ABCA13: variants seen among roughly 807,000 people sequenced by gnomAD.
ABCA13 encodes ATP-binding cassette sub-family A member 13.
In ABCA13, 476 loss-of-function variants were observed where a neutral mutation model predicts 478.7. The observed-to-expected ratio is 0.99, with a 90% CI of 0.92 to 1.07. The LOEUF (loss-of-function observed/expected upper bound fraction) is 1.07, where lower values mean the gene tolerates loss of function less well. Among genes scored for constraint, ABCA13 ranks in the 50% least tolerant of loss-of-function variants. ABCA13 has a pLI of 0.00. For synonymous variants in ABCA13, 2,252 were observed against 2,158.9 expected, an observed-to-expected ratio of 1.04 and a Z score of -1.20; for missense variants, 6,060 against 5,910.6, an observed-to-expected ratio of 1.03 and a Z score of -0.83.
chr7:48,630,148 A>G (rs1794047172), intron 59 of ABCA13, among the ~76,000 whole-genome samples: 2 of 152,060 alleles, frequency 1.3e-5, no homozygotes, highest in South Asian at 4.1e-4. Context: ...CAAGGATAAA[A>G]TGTCTTTTAT....
intron 53 of ABCA13, among the ~76,000 whole-genome samples, chr7:48,523,372 C>T (rs1355756334): frequency 6.6e-6 from 1 of 151,892 alleles, no homozygotes; most frequent in Non-Finnish European, 1.5e-5. Flanking sequence ...ATTTTTAATA[C>T]CTTTTTTATT....
intron 43 of ABCA13, among the ~76,000 whole-genome samples, chr7:48,463,832 G>A (rs554375687): frequency 2.6e-5 from 4 of 152,002 alleles, no homozygotes; most frequent in Non-Finnish European, 4.4e-5. Flanking sequence ...TGAACGGAAC[G>A]GAACGGAAAG....
intron 42 of ABCA13, among the ~76,000 whole-genome samples, chr7:48,428,132 C>A (rs1236107920): frequency 1.3e-5 from 2 of 151,910 alleles, no homozygotes; most frequent in South Asian, 2.1e-4. Context: ...AAAAATTTCT[C>A]AATGTATACA....
chr7:48,451,895 A>T (rs1216360310), intron 42 of ABCA13, among the ~76,000 whole-genome samples: 1 of 152,206 alleles, frequency 6.6e-6, no homozygotes, highest in Admixed American at 6.5e-5. Flanking sequence ...TTATGGATGA[A>T]ACTAGAGTCC....
intron 27 of ABCA13, among the ~76,000 whole-genome samples, chr7:48,321,315 A>T (rs758652853): frequency 5.9e-5 from 9 of 152,268 alleles, no homozygotes; most frequent in Non-Finnish European, 1.3e-4. Context: ...CCCAGCATAA[A>T]GGGGTATATA....
chr7:48,479,904 T>C (rs1245611269), intron 45 of ABCA13, among the ~76,000 whole-genome samples: 1 of 152,240 alleles, frequency 6.6e-6, no homozygotes, highest in East Asian at 1.9e-4. Flanking sequence ...GGTAAGCCTG[T>C]TTTCATTTTC....
chr7:48,325,935 T>C (rs1804260716), intron 27 of ABCA13, among the ~76,000 whole-genome samples: 1 of 152,074 alleles, frequency 6.6e-6, no homozygotes. Flanking sequence ...GCCATGAATC[T>C]GCACTCTAGG....
chr7:48,548,141 A>G (rs957601761), intron 55 of ABCA13, among the ~76,000 whole-genome samples: 8 of 151,958 alleles, frequency 5.3e-5, no homozygotes, highest in Non-Finnish European at 1.2e-4. Context: ...CTAACTGCTC[A>G]TACACAGCGA....
chr7:48,520,131 A>G lies in ABCA13; in HGVS notation c.13888A>G (p.Asn4630Asp). Residue 4630 changes from asparagine (N) to aspartate (D), a missense_variant, in exon 53 of 62, where the codon AAT becomes GAT. Coordinates refer to ENST00000435803, the MANE Select transcript of ABCA13 (RefSeq NM_152701.5). The part of the protein sequence containing the change: ...LGQGLVELCY[N>D]QIKYDLTHNF... ...TCAAGGACTGGTAGAACTCTGCTAT[A>G]ATCAGATCAAATATGACCTGACCCA... is the stretch of plus-strand genomic sequence containing the variant. 1.2e-6 allele frequency: 2 copies of G among 1,613,736 alleles called. No individual in the cohort carries two copies. The highest frequency in any genetic ancestry group is 1.7e-6 in the Non-Finnish European group (2 of 1,179,780).
intron 35 of ABCA13, among the ~76,000 whole-genome samples, chr7:48,378,236 G>C (rs1346703928): frequency 6.6e-6 from 1 of 152,174 alleles, no homozygotes; most frequent in African/African-American, 2.4e-5. Context: ...ACTCAGAAAA[G>C]CTGAGTGATG....
At chr7:48,481,387 T>C (rs186098980) in intron 46 of ABCA13, among the ~76,000 whole-genome samples, 6 of 152,268 alleles carry the variant, frequency 3.9e-5, no homozygotes, top group Non-Finnish European at 8.8e-5. Flanking sequence ...TATAATAAAG[T>C]CTAATTGAAT....
chr7:48,385,010 AG>A (rs1439689843), intron 35 of ABCA13, among the ~76,000 whole-genome samples: 2 of 152,210 alleles, frequency 1.3e-5, no homozygotes, highest in Non-Finnish European at 2.9e-5. Flanking sequence ...CTCCAAATAC[AG>A]TCACATTTTG....
chr7:48,386,729 A>G (rs571403438), intron 35 of ABCA13, among the ~76,000 whole-genome samples: 28 of 152,340 alleles, frequency 1.8e-4, no homozygotes, highest in African/African-American at 6.3e-4. Flanking sequence ...ATATACAAAA[A>G]TTAATTCAAG....
At chr7:48,499,422 T>C (rs1830548303) in intron 48 of ABCA13, among the ~76,000 whole-genome samples, 1 of 152,202 alleles carries the variant, frequency 6.6e-6, no homozygotes, top group Admixed American at 6.5e-5. Flanking sequence ...ATACATTTTA[T>C]AGGAGTAATG....
chr7:48,200,025 T>G (rs1271196246), intron 3 of ABCA13, among the ~76,000 whole-genome samples: 3 of 152,102 alleles, frequency 2.0e-5, no homozygotes, highest in Admixed American at 2.0e-4. Flanking sequence ...CCAATGGGAA[T>G]TGATAATAAC....
chr7:48,550,588 A>G (rs1184246909), intron 55 of ABCA13, among the ~76,000 whole-genome samples: 2 of 151,610 alleles, frequency 1.3e-5, no homozygotes, highest in South Asian at 2.1e-4. Context: ...TTGAGTAACA[A>G]ATCTCTTAAT....
intron 29 of ABCA13, among the ~76,000 whole-genome samples, chr7:48,341,643 C>G (rs1012731006): frequency 3.3e-5 from 5 of 150,848 alleles, no homozygotes; most frequent in African/African-American, 9.8e-5. Context: ...TTTTATTAGT[C>G]TTAAAAAAAC....
intron 27 of ABCA13, among the ~76,000 whole-genome samples, chr7:48,323,238 G>C (rs559578247): frequency 1.3e-5 from 2 of 152,242 alleles, no homozygotes; most frequent in East Asian, 3.9e-4. Context: ...AGCTTCATGA[G>C]GGGCAGGAGC....
rs1278367535 is a variant in ABCA13, at chr7:48,274,956, A to G, written c.5290A>G (p.Asn1764Asp). The G allele has an allele frequency of 1.2e-6, 2 of 1,613,788 alleles. No homozygotes were observed. Among genetic ancestry groups the G allele is most frequent in the East Asian group, 2.2e-5 (1 of 44,874 alleles). Residue 1764 changes from asparagine (N) to aspartate (D), a missense_variant, in exon 17 of 62, where the codon AAC becomes GAC. Coordinates refer to ENST00000435803, the MANE Select transcript of ABCA13 (RefSeq NM_152701.5). ...VRLLQGVPGKNITEGLKDVYS... is the reference protein window; with the variant it reads ...VRLLQGVPGKDITEGLKDVYS... ...GCTCCTGCAGGGAGTACCTGGTAAA[A>G]ACATCACTGAAGGCCTCAAGGATGT...
Sources: allele counts gnomAD v4.1 joint callset (sites outside exome capture counted in the v4.1 genomes callset), GRCh38; gene constraint gnomAD v4.1.1; transcripts MANE v1.5; gene names NCBI Gene and HGNC (gene_info 2026-07-23, HGNC 2026-07-21).